TRPC7: variants seen among roughly 807,000 people sequenced by gnomAD.
TRPC7 encodes the protein transient receptor potential cation channel subfamily C member 7.
In TRPC7, 42 loss-of-function variants were observed where a neutral mutation model predicts 90.1. That is an observed-to-expected ratio of 0.47 (90% confidence interval 0.36 to 0.60). The LOEUF (loss-of-function observed/expected upper bound fraction) is 0.60. Among genes scored for constraint, TRPC7 ranks in the 20% least tolerant of loss-of-function variants. The probability of loss-of-function intolerance (pLI) is 0.00; values close to 1 mark genes in which losing one functional copy is unlikely to be tolerated. For missense variants in TRPC7, 955 were observed against 1,112.3 expected (o/e 0.86, Z 2.01); for synonymous variants, 451 against 436.3 (o/e 1.03, Z -0.42).
intron 6 of TRPC7, among the ~76,000 whole-genome samples, chr5:136,248,446 CTT>C (rs1271146720): frequency 6.6e-6 from 1 of 152,212 alleles, no homozygotes. Context: ...ACTGAATAGA[CTT>C]TTAACCACAA....
chr5:136,335,243 C>A lies in TRPC7; in HGVS notation c.781-19464G>T, dbSNP rs188375257. On this transcript the variant is annotated intron_variant, in intron 2 of 11. Transcript: ENST00000513104. ...GTATTCTAACGAGCTGATTTGAACT[C>A]CCAAGTGGTCATCTACCCTGGTAAG... is the stretch of plus-strand genomic sequence containing the variant. Among the ~76,000 whole-genome samples the A allele has an allele frequency of 3.9e-3, 597 of 152,166 alleles. 5 individuals carry two copies. Among genetic ancestry groups the A allele is most frequent in the African/African-American group, 0.014 (563 of 41,522 alleles).
At chr5:136,364,321 G>T (rs1760659065) in intron 1 of TRPC7, among the ~76,000 whole-genome samples, 1 of 152,188 alleles carries the variant, frequency 6.6e-6, no homozygotes, top group South Asian at 2.1e-4. Flanking sequence ...TTATGAAAGG[G>T]TAATTGTGAC....
At chr5:136,320,446 T>C (rs1369266749) in intron 2 of TRPC7, among the ~76,000 whole-genome samples, 1 of 152,188 alleles carries the variant, frequency 6.6e-6, no homozygotes, top group Non-Finnish European at 1.5e-5. Flanking sequence ...GACTTCTCTG[T>C]ACACCCGCTC....
intron 7 of TRPC7, among the ~76,000 whole-genome samples, chr5:136,242,206 G>C (rs1756193454): frequency 2.0e-5 from 3 of 152,114 alleles, no homozygotes. Context: ...CCCATGTCTT[G>C]GGATACTTCG....
At chr5:136,246,638 C>T (rs1234420249) in intron 7 of TRPC7, among the ~76,000 whole-genome samples, 2 of 152,186 alleles carry the variant, frequency 1.3e-5, no homozygotes, top group African/African-American at 4.8e-5. Flanking sequence ...ACTTGCTTCC[C>T]CTCTTCCCAT....
At chr5:136,276,570 G>A (rs1561697837) in intron 3 of TRPC7, among the ~76,000 whole-genome samples, 1 of 152,142 alleles carries the variant, frequency 6.6e-6, no homozygotes, top group Non-Finnish European at 1.5e-5. Flanking sequence ...AACTATCTTT[G>A]AGGACATTAC....
intron 3 of TRPC7, among the ~76,000 whole-genome samples, chr5:136,301,496 T>A (rs1267584197): frequency 3.3e-5 from 5 of 152,036 alleles, no homozygotes; most frequent in Admixed American, 2.0e-4. Flanking sequence ...CTGATGACAT[T>A]CCACCATTGT....
At chr5:136,266,484 T>C (rs1414355508) in intron 4 of TRPC7, 48 bp from the exon 5 acceptor site, 3 of 1,518,302 alleles carry the variant, frequency 2.0e-6, no homozygotes, top group Non-Finnish European at 2.7e-6. Flanking sequence ...TCTAGGTGGA[T>C]GTAGGTCTTT....
chr5:136,214,007 G>A, intron 11 of TRPC7: 1 of 176,144 alleles, frequency 5.7e-6, no homozygotes. Flanking sequence ...ATGATGCTAT[G>A]TTTTGTTCTG....
intron 3 of TRPC7, among the ~76,000 whole-genome samples, chr5:136,295,741 TC>T (rs1758145485): frequency 6.6e-6 from 1 of 152,230 alleles, no homozygotes; most frequent in South Asian, 2.1e-4. Flanking sequence ...GAGTAGTTTA[TC>T]CTATGGTTGA....
intron 10 of TRPC7, among the ~76,000 whole-genome samples, chr5:136,224,149 C>G (rs1004077632): frequency 6.6e-6 from 1 of 152,054 alleles, no homozygotes; most frequent in Non-Finnish European, 1.5e-5. Context: ...TCACCTCCAC[C>G]CAAAGGAATG....
chr5:136,276,785 C>T (rs1016594668), intron 3 of TRPC7, among the ~76,000 whole-genome samples: 1 of 152,186 alleles, frequency 6.6e-6, no homozygotes, highest in Non-Finnish European at 1.5e-5. Flanking sequence ...CTTTCTGGCT[C>T]ACAATGAAGA....
At chr5:136,305,754 C>T (rs1187671140) in intron 3 of TRPC7, among the ~76,000 whole-genome samples, 1 of 152,192 alleles carries the variant, frequency 6.6e-6, no homozygotes. Flanking sequence ...AGCAGTTTTT[C>T]AGGCTCTTAG....
At chr5:136,229,392 T>C (rs1216766179) in intron 8 of TRPC7, among the ~76,000 whole-genome samples, 1 of 152,170 alleles carries the variant, frequency 6.6e-6, no homozygotes, top group East Asian at 1.9e-4. Flanking sequence ...AGTACTCTTT[T>C]TTGGGGAGGG....
chr5:136,252,094 T>C (rs969992237), intron 5 of TRPC7, among the ~76,000 whole-genome samples: 2 of 152,182 alleles, frequency 1.3e-5, no homozygotes, highest in African/African-American at 2.4e-5. Flanking sequence ...GAACACACTG[T>C]CTCTGCAAGT....
intron 5 of TRPC7, among the ~76,000 whole-genome samples, chr5:136,258,821 C>T (rs1756765880): frequency 6.6e-6 from 1 of 152,198 alleles, no homozygotes; most frequent in Admixed American, 6.5e-5. Context: ...GGGCTACTGT[C>T]CCAGGGCATT....
rs547232490 is a variant in TRPC7, at chr5:136,212,811, A to G, written c.*624T>C. Among the ~76,000 whole-genome samples the G allele has an allele frequency of 6.6e-6, 1 of 152,392 alleles. No homozygotes were observed. Among genetic ancestry groups the G allele is most frequent in the East Asian group, 1.9e-4 (1 of 5,194 alleles). On this transcript the variant is annotated 3_prime_UTR_variant, in exon 12 of 12. Transcript: ENST00000513104. The stretch of plus-strand genomic sequence containing the variant: ...ATAGTAAATACAAGATAATCTTAAT[A>G]AAGGTAAAAATACATCATTTGGATT...
chr5:136,347,769 G>A (rs1403016895), intron 2 of TRPC7, among the ~76,000 whole-genome samples: 2 of 152,204 alleles, frequency 1.3e-5, no homozygotes, highest in African/African-American at 2.4e-5. Flanking sequence ...CTGGGCTCCT[G>A]TCTTACAGGA....
chr5:136,327,783 C>G (rs984852403), intron 2 of TRPC7, among the ~76,000 whole-genome samples: 1 of 152,190 alleles, frequency 6.6e-6, no homozygotes, highest in East Asian at 1.9e-4. Context: ...ACCTTCAGTA[C>G]CCTTTGGCTA....
Sources: allele counts gnomAD v4.1 joint callset (sites outside exome capture counted in the v4.1 genomes callset), GRCh38; gene constraint gnomAD v4.1.1; transcripts MANE v1.5; gene names NCBI Gene and HGNC (gene_info 2026-07-23, HGNC 2026-07-21).